The following CDK5 variants were observed in gnomAD, a reference collection of about 807,000 sequenced individuals.
CDK5 encodes the protein cyclin dependent kinase 5.
Under a neutral mutation model 44.6 loss-of-function variants are expected in CDK5, and 18 were observed. The observed-to-expected ratio is 0.40, with a 90% confidence interval of 0.28 to 0.60. The LOEUF is 0.60. Among genes scored for constraint, CDK5 ranks in the 20% least tolerant of loss-of-function variants. The probability of loss-of-function intolerance (pLI) is 0.38; values close to 1 mark genes in which losing one functional copy is unlikely to be tolerated. For missense variants in CDK5, 198 were observed against 368.1 expected, an observed-to-expected ratio of 0.54 and a Z score of 3.78; for synonymous variants, 143 against 152.8, an observed-to-expected ratio of 0.94 and a Z score of 0.47.
chr7:151,056,266 G>A lies in CDK5; in HGVS notation c.312+314C>T, dbSNP rs942045912. ...GGCATTTGGTCTTGGGCCTAGAAAA[G>A]CACCTGGCACACAGTGAAGCATTCA... On this transcript the variant is annotated intron_variant, in intron 5 of 11. Coordinates refer to ENST00000485972, the MANE Select transcript of CDK5 (RefSeq NM_004935.4). The surrounding 1 kb of genome is among the most constrained non-coding windows in gnomAD (Gnocchi z 4.7). The A allele has an allele frequency of 7.4e-6, 4 of 543,030 alleles. No individual in the cohort carries two copies. The highest frequency in any genetic ancestry group is 1.3e-5 in the Non-Finnish European group (4 of 304,642). 33.6% of individuals were successfully genotyped at this position (543,030 alleles called of 1,614,324 possible). A position where few individuals can be genotyped will look rare whatever the true frequency, so the allele number is the denominator to read the frequency against.
At position 151,056,479 on chromosome 7, in the gene CDK5, G is replaced by T; in HGVS notation, c.312+101C>A. 2.0e-6 allele frequency: 2 copies of T among 983,402 alleles called. No homozygotes were observed. The highest frequency in any genetic ancestry group is 3.2e-6 in the Non-Finnish European group (2 of 627,434). 60.9% of individuals were successfully genotyped at this position (983,402 alleles called of 1,614,324 possible). ...TTTTCTCATTCTCTAACACCCTAGA[G>T]TGTCCCTGTTCAGGGCCCAAACTTA... On this transcript the variant is annotated intron_variant, in intron 5 of 11. Coordinates refer to ENST00000485972, the MANE Select transcript of CDK5 (RefSeq NM_004935.4). The surrounding 1 kb of genome is among the most constrained non-coding windows in gnomAD (Gnocchi z 4.7).
chr7:151,054,003 C>G lies in CDK5; in HGVS notation c.*6G>C, dbSNP rs371735422. 6.3e-5 allele frequency: 99 copies of G among 1,581,824 alleles called. No homozygotes were observed. The highest frequency in any genetic ancestry group is 1.8e-5 in the Admixed American group (1 of 54,800). ...GCCCCAGCCTGGAGGCCGGGGGTCC[C>G]GGGGCCTAGGGCGGACAGAAGTCGG... On this transcript the variant is annotated 3_prime_UTR_variant, in exon 12 of 12. Transcript: ENST00000485972. The surrounding 1 kb of genome is among the most constrained non-coding windows in gnomAD (Gnocchi z 5.7).
rs1198083306 is a variant in CDK5 at position 151,054,391 on chromosome 7, A to G, written c.711+14T>C. On this transcript the variant is annotated intron_variant, in intron 10 of 11. Transcript: ENST00000485972. The surrounding 1 kb of genome is among the most constrained non-coding windows in gnomAD (Gnocchi z 5.7). Reference sequence around the variant, plus strand: ...GACCCTGATGAACCATGACCCCCACATTCCCCATCACACCTTATAGTCTGG... The same window carrying G: ...GACCCTGATGAACCATGACCCCCACGTTCCCCATCACACCTTATAGTCTGG... 6.2e-7 allele frequency: 1 copy of G among 1,613,134 alleles called. No homozygotes were observed. Among genetic ancestry groups the G allele is most frequent in the East Asian group, 2.2e-5 (1 of 44,846 alleles).
intron 6 of CDK5, 31 bp downstream of exon 6, chr7:151,055,722 C>T (rs369911390): frequency 5.1e-6 from 8 of 1,572,522 alleles, no homozygotes; most frequent in African/African-American, 1.3e-5. Flanking sequence ...GCCCCAGCCT[C>T]TCCATTCCCC....
Position 151,054,891 on chromosome 7 carries a change from T to C in CDK5, c.650+136A>G, listed in dbSNP as rs897340684. The C allele has an allele frequency of 7.6e-5, 63 of 825,636 alleles. No homozygotes were observed. The highest frequency in any genetic ancestry group is 5.1e-4 in the Admixed American group (23 of 45,384). 51.1% of individuals were successfully genotyped at this position (825,636 alleles called of 1,614,324 possible). A position where few individuals can be genotyped will look rare whatever the true frequency, so the allele number is the denominator to read the frequency against. ...ATCAGGGTGTCCAGCACCCCTGCTC[T>C]CTCCCCTTGCCCTCAGGAGAAGCCC... On this transcript the variant is annotated intron_variant, in intron 9 of 11. Transcript: ENST00000485972. This position sits in a 1 kb window ranked among gnomAD's most constrained non-coding sequence, Gnocchi z 5.7.
chr7:151,057,127 C>T lies in CDK5; in HGVS notation c.71G>A (p.Arg24Gln), dbSNP rs1376851730. The T allele has an allele frequency of 1.2e-6, 2 of 1,613,840 alleles. No individual in the cohort carries two copies. Among genetic ancestry groups the T allele is most frequent in the Non-Finnish European group, 1.7e-6 (2 of 1,179,886 alleles). The change falls in exon 2 of 12, where the codon CGG (arginine) becomes CAG (glutamine). Residue 24 changes from arginine to glutamine, a missense_variant. By Grantham distance (43) the Arg-to-Gln change is conservative. Around this residue, in one of 4 missense-constraint regions of CDK5, gnomAD observed 53 missense variants for 122.7 expected, o/e 0.43. Coordinates refer to ENST00000485972, the MANE Select transcript of CDK5 (RefSeq NM_004935.4). The surrounding 1 kb of genome is among the most constrained non-coding windows in gnomAD (Gnocchi z 5.2). The stretch of plus-strand genomic sequence containing the variant: ...CAGAGCCACGATCTCATGAGTCTCC[C>T]GGTTTTTGGCCTTGAACACAGTTCC... ...TYGTVFKAKNRETHEIVALKR... is the reference protein window; with the variant it reads ...TYGTVFKAKNQETHEIVALKR...
rs566748363 is a variant in CDK5 at position 151,053,888 on chromosome 7, C to A, written c.*121G>T. The A allele has an allele frequency of 4.1e-5, 33 of 805,150 alleles. No homozygotes were observed. In the South Asian group the frequency reaches 4.9e-4, roughly 12 times the overall value. The allele number at this position is 805,150 out of a possible 1,614,324, so 49.9% of individuals were successfully genotyped here. ...GTGAGAAATTCGGGCTCAGGCACCC[C>A]ACCCCGGCTGGGCCCAGCACTGCTG... On this transcript the variant is annotated 3_prime_UTR_variant, in exon 12 of 12. Coordinates refer to ENST00000485972, the MANE Select transcript of CDK5 (RefSeq NM_004935.4).
rs111485896 is a variant in CDK5, at chr7:151,057,196, C to T, written c.38-36G>A. 8 of 1,493,336 alleles carry T rather than the reference C, an allele frequency of 5.4e-6. No homozygotes were observed. The highest frequency in any genetic ancestry group is 4.1e-5 in the African/African-American group (3 of 72,512). 92.5% of individuals were successfully genotyped at this position (1,493,336 alleles called of 1,614,324 possible). ...GAGGTCAGGGGTCAGGGTGAGGATG[C>T]GGCACTCTTCCCTAAGCCAGGAAAT... On this transcript the variant is annotated intron_variant, in intron 1 of 11. Transcript: ENST00000485972. The surrounding 1 kb of genome is among the most constrained non-coding windows in gnomAD (Gnocchi z 5.2).
In CDK5 at chr7:151,057,379, G is replaced by T. The variant is rs1161391296; in HGVS notation, c.38-219C>A. 8 of 606,954 alleles carry T rather than the reference G, an allele frequency of 1.3e-5. No individual in the cohort carries two copies. In the Admixed American group the frequency reaches 1.4e-4, roughly 11 times the overall value. The allele number at this position is 606,954 out of a possible 1,614,324, so 37.6% of individuals were successfully genotyped here. Reference sequence around the variant, plus strand: ...GGGGCTCGGCAGGAGGGGCGAGTGCGGTTGCCAGGGCAAGGATGTCTAAAA... The same window carrying T: ...GGGGCTCGGCAGGAGGGGCGAGTGCTGTTGCCAGGGCAAGGATGTCTAAAA... On this transcript the variant is annotated intron_variant, in intron 1 of 11. Transcript: ENST00000485972. This position sits in a 1 kb window ranked among gnomAD's most constrained non-coding sequence, Gnocchi z 5.2.
rs1796912604 is a variant in CDK5, at chr7:151,057,044, C to T, written c.126+28G>A. 2.5e-6 allele frequency: 4 copies of T among 1,613,402 alleles called. No individual in the cohort carries two copies. Among genetic ancestry groups the T allele is most frequent in the South Asian group, 1.1e-5 (1 of 91,072 alleles). On this transcript the variant is annotated intron_variant, in intron 2 of 11. Transcript: ENST00000485972. This position sits in a 1 kb window ranked among gnomAD's most constrained non-coding sequence, Gnocchi z 5.2. Reference sequence around the variant, plus strand: ...CAGCCCAGGCCCTCAAACCCCTCCCCAGGCCGTATCCCACTCCCCAGTCCT... The same window carrying T: ...CAGCCCAGGCCCTCAAACCCCTCCCTAGGCCGTATCCCACTCCCCAGTCCT...
rs376602868 is a variant in CDK5 at position 151,054,525 on chromosome 7, G to A, written c.651-60C>T. The stretch of plus-strand genomic sequence containing the variant: ...CCACAGCTGCATCTTCAGGGGCAGG[G>A]TGAGGGCCTCTTCCCCTCCTGGGGA... On this transcript the variant is annotated intron_variant, in intron 9 of 11. Transcript: ENST00000485972. This position sits in a 1 kb window ranked among gnomAD's most constrained non-coding sequence, Gnocchi z 5.7. 8.0e-6 allele frequency: 12 copies of A among 1,500,446 alleles called. No individual in the cohort carries two copies. The East Asian group carries it at 9.1e-5, about 11-fold the overall frequency. The allele number at this position is 1,500,446 out of a possible 1,614,324, so 92.9% of individuals were successfully genotyped here. A position where few individuals can be genotyped will look rare whatever the true frequency, so the allele number is the denominator to read the frequency against.
rs1796894411 is a variant in CDK5, at chr7:151,056,367, T to C, written c.312+213A>G. 1.0e-5 allele frequency: 6 copies of C among 598,090 alleles called. No individual in the cohort carries two copies. In the South Asian group the frequency reaches 1.2e-4, roughly 12 times the overall value. 37.0% of individuals were successfully genotyped at this position (598,090 alleles called of 1,614,324 possible). On this transcript the variant is annotated intron_variant, in intron 5 of 11. Transcript: ENST00000485972. This position sits in a 1 kb window ranked among gnomAD's most constrained non-coding sequence, Gnocchi z 4.7. ...ATCTCTCGAGTGTAAATAATATCAC[T>C]GACATCAGAATGACACTGTGCGGGT...
Position 151,054,570 on chromosome 7 carries a change from G to GCCCACTTCTCACCCTCC in CDK5, c.651-122_651-106dup. ...TGGGGAGGGATTCCTCATACCCACC[G>GCCCACTTCTCACCCTCC]CCCACTTCTCACCCTCCCTTTACCC... On this transcript the variant is annotated intron_variant, in intron 9 of 11. Coordinates refer to ENST00000485972, the MANE Select transcript of CDK5 (RefSeq NM_004935.4). The surrounding 1 kb of genome is among the most constrained non-coding windows in gnomAD (Gnocchi z 5.7). 1 of 1,095,284 alleles carries GCCCACTTCTCACCCTCC rather than the reference G, an allele frequency of 9.1e-7. No homozygotes were observed. The highest frequency in any genetic ancestry group is 2.5e-5 in the East Asian group (1 of 40,436). The allele number at this position is 1,095,284 out of a possible 1,614,324, so 67.8% of individuals were successfully genotyped here.
chr7:151,055,476 G>C, intron 7 of CDK5, 56 bp downstream of exon 7: 1 of 1,576,056 alleles, frequency 6.3e-7, no homozygotes, highest in East Asian at 2.2e-5. Flanking sequence ...TTTGGGTCCT[G>C]GGGTTGGAGC....
Position 151,056,178 on chromosome 7 carries a change from A to C in CDK5, c.313-330T>G. The C allele has an allele frequency of 2.0e-6, 1 of 506,556 alleles. No individual in the cohort carries two copies. The highest frequency in any genetic ancestry group is 5.2e-4 in the Middle Eastern group (1 of 1,920). The allele number at this position is 506,556 out of a possible 1,614,324, so 31.4% of individuals were successfully genotyped here. A position where few individuals can be genotyped will look rare whatever the true frequency, so the allele number is the denominator to read the frequency against. On this transcript the variant is annotated intron_variant, in intron 5 of 11. Transcript: ENST00000485972. This position sits in a 1 kb window ranked among gnomAD's most constrained non-coding sequence, Gnocchi z 4.7. ...CCGCATCTGAGTATGCACGCCGTGA[A>C]CATCAACATAAATATCGTGCTGTAG...
rs1260297534 is a variant in CDK5, at chr7:151,055,806, T to C, written c.355A>G (p.Ser119Gly). 2 of 1,612,484 alleles carry C rather than the reference T, an allele frequency of 1.2e-6. No individual in the cohort carries two copies. Among genetic ancestry groups the C allele is most frequent in the Admixed American group, 3.3e-5 (2 of 59,802 alleles). ...AGGTCCCTGTGTAGCACATTGCGGC[T>C]ATGACAGAATCCCAGCCCTTTTAGT... ...QLLKGLGFCH[S>G]RNVLHRDLKP... The change falls in exon 6 of 12, where the codon AGC becomes GGC. Residue 119 changes from serine (S) to glycine (G), a missense_variant. Around this residue, in one of 4 missense-constraint regions of CDK5, gnomAD observed 26 missense variants for 28.2 expected, o/e 0.92. Coordinates refer to ENST00000485972, the MANE Select transcript of CDK5 (RefSeq NM_004935.4).
rs1339097967 is a variant in CDK5 at position 151,056,704 on chromosome 7, A to G, written c.255+32T>C. ...TCAATCTGGGCCCCTATACCTTCCC[A>G]AGGCTACTGTCCTCCAAACCCCGCC... On this transcript the variant is annotated intron_variant, in intron 4 of 11. Coordinates refer to ENST00000485972, the MANE Select transcript of CDK5 (RefSeq NM_004935.4). The surrounding 1 kb of genome is among the most constrained non-coding windows in gnomAD (Gnocchi z 4.7). 2 of 1,612,326 alleles carry G rather than the reference A, an allele frequency of 1.2e-6. No homozygotes were observed. Among genetic ancestry groups the G allele is most frequent in the Admixed American group, 3.3e-5 (2 of 59,778 alleles).
In CDK5 at chr7:151,053,994, C is replaced by G; in HGVS notation, c.*15G>C. 1 of 1,571,702 alleles carries G rather than the reference C, an allele frequency of 6.4e-7. No homozygotes were observed. The highest frequency in any genetic ancestry group is 1.2e-5 in the South Asian group (1 of 85,748). The stretch of plus-strand genomic sequence containing the variant: ...ATAGGCCAGGCCCCAGCCTGGAGGC[C>G]GGGGGTCCCGGGGCCTAGGGCGGAC... On this transcript the variant is annotated 3_prime_UTR_variant, in exon 12 of 12. Transcript: ENST00000485972.
Position 151,054,200 on chromosome 7 carries a change from CT to C in CDK5, c.792+11del, listed in dbSNP as rs1796849038. On this transcript the variant is annotated intron_variant, in intron 11 of 11. Coordinates refer to ENST00000485972, the MANE Select transcript of CDK5 (RefSeq NM_004935.4). The surrounding 1 kb of genome is among the most constrained non-coding windows in gnomAD (Gnocchi z 5.7). ...AAGTGTCCTGACCCACCCTCTACCC[CT>C]GGTCACCTACCTGCAGCAGATCCCT... 4 of 1,609,956 alleles carry C rather than the reference CT, an allele frequency of 2.5e-6. No homozygotes were observed. The highest frequency in any genetic ancestry group is 1.1e-5 in the South Asian group (1 of 90,168).
Sources: gnomAD v4.1 joint callset for allele counts on GRCh38, gnomAD v4.1.1 for gene constraint, gnomAD v4.1.1 regional missense constraint, Gnocchi (gnomAD v3.1) non-coding constraint, MANE v1.5 for transcripts, NCBI Gene and HGNC (gene_info 2026-07-23, HGNC 2026-07-21) for gene names.